The following APBA1 variants were observed in gnomAD, a reference collection of about 807,000 sequenced individuals.
The protein encoded by APBA1 is amyloid-beta A4 precursor protein-binding family A member 1.
Under a neutral mutation model 86.6 loss-of-function variants are expected in APBA1, and 55 were observed. The observed-to-expected ratio is 0.64, with a 90% CI of 0.51 to 0.80. APBA1 has a LOEUF of 0.80. Ranked by LOEUF, APBA1 falls within the 30% of genes least tolerant of loss-of-function variation. The pLI is 0.00. For synonymous variants in APBA1, 511 were observed against 493.9 expected, an observed-to-expected ratio of 1.03 and a Z score of -0.46; for missense variants, 1,090 against 1,183.0, an observed-to-expected ratio of 0.92 and a Z score of 1.15.
At chr9:69,576,599 C>T (rs183335317) in intron 1 of APBA1, among the ~76,000 whole-genome samples, 2,571 of 152,102 alleles carry the variant, frequency 0.017, 87 homozygotes, top group African/African-American at 0.059. Context: ...AGCAAACTAT[C>T]GCAAGGACAA....
At chr9:69,453,702 C>T (rs896005214) in intron 8 of APBA1, among the ~76,000 whole-genome samples, 1 of 152,212 alleles carries the variant, frequency 6.6e-6, no homozygotes, top group African/African-American at 2.4e-5. Context: ...AAATACTGTA[C>T]ATTGTGCCAT....
chr9:69,663,475 C>A (rs144529961), intron 1 of APBA1, among the ~76,000 whole-genome samples: 64 of 152,280 alleles, frequency 4.2e-4, no homozygotes, highest in African/African-American at 1.5e-3. Flanking sequence ...ACTCTAAGCT[C>A]GTCCTCTGCT....
chr9:69,477,129 G>T (rs1043596067), intron 2 of APBA1, among the ~76,000 whole-genome samples: 1 of 152,158 alleles, frequency 6.6e-6, no homozygotes, highest in African/African-American at 2.4e-5. Flanking sequence ...CAAGATGGCC[G>T]AATAGGAACA....
intron 1 of APBA1, among the ~76,000 whole-genome samples, chr9:69,523,534 G>GACACAC (rs377194151): frequency 9.7e-6 from 1 of 103,156 alleles, no homozygotes; most frequent in Admixed American, 9.9e-5. Flanking sequence ...TATATATATA[G>GACACAC]ACACACACAC....
intron 1 of APBA1, among the ~76,000 whole-genome samples, chr9:69,569,448 AGTGTGTGT>A (rs71507121): frequency 0.032 from 4,656 of 144,636 alleles, 70 homozygotes; most frequent in East Asian, 0.056. Flanking sequence ...GTCACGTGTG[AGTGTGTGT>A]GTGTGTGTGT....
chr9:69,431,395 G>C lies in APBA1; in HGVS notation c.2446C>G (p.His816Asp), dbSNP rs557875748. ...HILSNAVGEI[H>D]MKTMPAAMYR... ...ATCGCGGCTGGCATTGTCTTCATAT[G>C]AATCTGAGGGTAAAGAACACACTTT... is the stretch of plus-strand genomic sequence containing the variant. Residue 816 changes from histidine to aspartate, a missense_variant, in exon 13 of 13, where the codon CAT (histidine) becomes GAT (aspartate). Physicochemically the swap from His to Asp is moderately conservative, Grantham distance 81 (BLOSUM62 -1). Transcript: ENST00000265381. The C allele has an allele frequency of 6.8e-6, 11 of 1,612,886 alleles. No homozygotes were observed. Among genetic ancestry groups the C allele is most frequent in the Non-Finnish European group, 9.3e-6 (11 of 1,179,498 alleles).
chr9:69,669,901 T>G (rs148710939), intron 1 of APBA1, among the ~76,000 whole-genome samples: 5 of 152,256 alleles, frequency 3.3e-5, no homozygotes, highest in Non-Finnish European at 7.3e-5. Context: ...ATTCCTCATA[T>G]TATTAAACTT....
At chr9:69,604,577 A>C (rs1490135861) in intron 1 of APBA1, among the ~76,000 whole-genome samples, 1 of 140,362 alleles carries the variant, frequency 7.1e-6, no homozygotes, top group African/African-American at 2.7e-5. Context: ...CATGAGGATA[A>C]GTGGAGAGGC....
chr9:69,644,755 A>C (rs987420007), intron 1 of APBA1, among the ~76,000 whole-genome samples: 3 of 152,190 alleles, frequency 2.0e-5, no homozygotes, highest in African/African-American at 7.2e-5. Context: ...CAGGGTCCTA[A>C]TGGTGACACC....
At chr9:69,515,714 GA>G in intron 2 of APBA1, among the ~76,000 whole-genome samples, 1 of 140,588 alleles carries the variant, frequency 7.1e-6, no homozygotes, top group African/African-American at 3.0e-5. Flanking sequence ...GCGGGGGGTG[GA>G]GGGCGATGTA....
intron 2 of APBA1, among the ~76,000 whole-genome samples, chr9:69,514,902 G>A (rs749241040): frequency 1.3e-5 from 2 of 152,042 alleles, no homozygotes; most frequent in Admixed American, 6.6e-5. Context: ...GCAAGACTCC[G>A]TCACAAAACA....
intron 2 of APBA1, among the ~76,000 whole-genome samples, chr9:69,484,778 C>T (rs1425317117): frequency 1.3e-5 from 2 of 151,906 alleles, no homozygotes; most frequent in Non-Finnish European, 2.9e-5. Flanking sequence ...AAACAGTAGG[C>T]ACTCAATAAA....
chr9:69,535,713 G>A lies in APBA1; in HGVS notation c.-69-18434C>T, dbSNP rs57822904. ...TCATTCTCTTTTTGTTGTATGCTCT[G>A]TTCTATTTCCTCATCTTATTTTTCC... On this transcript the variant is annotated intron_variant, in intron 1 of 12. Transcript: ENST00000265381. Among the ~76,000 whole-genome samples, 1,025 of 152,082 alleles carry A rather than the reference G, an allele frequency of 6.7e-3. 9 individuals are homozygous for A. The highest frequency in any genetic ancestry group is 0.023 in the African/African-American group (961 of 41,466).
chr9:69,655,688 ATGGCATTC>A (rs1217449279), intron 1 of APBA1, among the ~76,000 whole-genome samples: 1 of 152,156 alleles, frequency 6.6e-6, no homozygotes, highest in Non-Finnish European at 1.5e-5. Context: ...AGAAACACCC[ATGGCATTC>A]TTCACAGAAA....
intron 1 of APBA1, among the ~76,000 whole-genome samples, chr9:69,628,378 T>C (rs991001236): frequency 6.6e-6 from 1 of 152,082 alleles, no homozygotes; most frequent in Non-Finnish European, 1.5e-5. Context: ...GCTGCTAAAT[T>C]TGTGGTGATG....
At chr9:69,629,558 G>A (rs1822997276) in intron 1 of APBA1, among the ~76,000 whole-genome samples, 4 of 152,182 alleles carry the variant, frequency 2.6e-5, no homozygotes, top group Admixed American at 2.6e-4. Flanking sequence ...GAAATTTCCA[G>A]AGGGACAAAG....
chr9:69,569,448 AGTGTGTGTGTGT>A (rs71507121), intron 1 of APBA1, among the ~76,000 whole-genome samples: 2,353 of 145,032 alleles, frequency 0.016, 61 homozygotes, highest in African/African-American at 0.047. Context: ...GTCACGTGTG[AGTGTGTGTGTGT>A]GTGTGTGTGT....
intron 1 of APBA1, among the ~76,000 whole-genome samples, chr9:69,549,485 C>T (rs763585697): frequency 7.2e-5 from 11 of 152,142 alleles, no homozygotes; most frequent in Non-Finnish European, 1.5e-5. Context: ...TCACTTTTTG[C>T]CACTTCGATC....
chr9:69,587,550 G>A (rs1822045274), intron 1 of APBA1, among the ~76,000 whole-genome samples: 1 of 152,068 alleles, frequency 6.6e-6, no homozygotes, highest in Non-Finnish European at 1.5e-5. Context: ...GACATTTCTC[G>A]GCATCCCTTG....
Sources: allele counts gnomAD v4.1 joint callset (sites outside exome capture counted in the v4.1 genomes callset), GRCh38; gene constraint gnomAD v4.1.1; transcripts MANE v1.5; gene names NCBI Gene and HGNC (gene_info 2026-07-23, HGNC 2026-07-21).